Variants in ALPK1 observed in about 807,000 individuals in gnomAD.
ALPK1 encodes alpha kinase 1.
ALPK1 carries 110 observed loss-of-function variants against 120.6 expected under a neutral mutation model. The ratio of observed to expected loss-of-function variants is 0.91; its 90% CI spans 0.78 to 1.07. ALPK1 has a LOEUF of 1.07. Among genes scored for constraint, ALPK1 ranks in the 50% least tolerant of loss-of-function variants. The pLI, the probability that ALPK1 is intolerant of heterozygous loss-of-function variation, is 0.00. For missense variants in ALPK1, 1,498 were observed against 1,483.9 expected, an observed-to-expected ratio of 1.01 and a Z score of -0.16; for synonymous variants, 582 against 560.3, an observed-to-expected ratio of 1.04 and a Z score of -0.55.
Position 112,377,808 on chromosome 4 carries a change from C to CTTG in ALPK1, c.32_33insTGT (p.Leu11_Gln12insVal), listed in dbSNP as rs1731732663. 6.2e-7 allele frequency: 1 copy of CTTG among 1,613,174 alleles called. No homozygotes were observed. On this transcript the variant is annotated inframe_insertion, in exon 3 of 16. Transcript: ENST00000650871. ...TAATCAAAAAGTGGTAGCTGTGCTA[C>CTTG]TGCAAGAGTGCAAGCAAGTGCTGGA...
At chr4:112,320,438 C>T (rs1286448064) in intron 2 of ALPK1, among the ~76,000 whole-genome samples, 1 of 152,044 alleles carries the variant, frequency 6.6e-6, no homozygotes, top group African/African-American at 2.4e-5. Context: ...CTGTTGAATT[C>T]TGTTAGCTAG....
chr4:112,349,117 T>TTTA (rs1260259828), intron 2 of ALPK1, among the ~76,000 whole-genome samples: 1 of 152,172 alleles, frequency 6.6e-6, no homozygotes, highest in Non-Finnish European at 1.5e-5. Context: ...AAAAGTCTAA[T>TTTA]AAGTGGTCAT....
chr4:112,380,275 A>C (rs1316948935), intron 3 of ALPK1, among the ~76,000 whole-genome samples: 1 of 152,216 alleles, frequency 6.6e-6, no homozygotes, highest in Non-Finnish European at 1.5e-5. Flanking sequence ...AAATTATGTC[A>C]GTGGCTGTAA....
chr4:112,430,410 A>T (rs915021257), intron 10 of ALPK1, 38 bp from the exon 11 acceptor site: 9 of 1,513,454 alleles, frequency 5.9e-6, no homozygotes, highest in Non-Finnish European at 8.0e-6. Context: ...TGCAGTTTTC[A>T]ATTCAATATC....
chr4:112,403,796 C>G (rs1578541262), intron 4 of ALPK1, among the ~76,000 whole-genome samples: 1 of 152,220 alleles, frequency 6.6e-6, no homozygotes, highest in East Asian at 1.9e-4. Context: ...CCAAGGAACT[C>G]AAAGGCCCTT....
At chr4:112,434,059 C>T (rs1734689675) in intron 11 of ALPK1, among the ~76,000 whole-genome samples, 1 of 152,158 alleles carries the variant, frequency 6.6e-6, no homozygotes, top group Admixed American at 6.5e-5. Flanking sequence ...CAAAAATTTC[C>T]AGCAATAGGG....
chr4:112,432,498 T>C lies in ALPK1; in HGVS notation c.2951T>C (p.Leu984Ser), dbSNP rs759760407. Reference sequence around the variant, plus strand: ...CAACCTGATGACTTTGAAAAGCTGTTGGCAGGAGTGAGGCATGATTGGCTG... The same window carrying C: ...CAACCTGATGACTTTGAAAAGCTGTCGGCAGGAGTGAGGCATGATTGGCTG... ...TLQPDDFEKL[L>S]AGVRHDWLFQ... is the part of the protein sequence containing the mutation. The change falls in exon 11 of 16, where the codon TTG (leucine) becomes TCG (serine). Residue 984 changes from leucine to serine, a missense_variant. Physicochemically the swap from Leu to Ser is moderately radical, Grantham distance 145 (BLOSUM62 -2). Transcript: ENST00000650871. 3 of 1,614,156 alleles carry C rather than the reference T, an allele frequency of 1.9e-6. No homozygotes were observed. The highest frequency in any genetic ancestry group is 1.1e-5 in the South Asian group (1 of 91,080).
intron 4 of ALPK1, among the ~76,000 whole-genome samples, chr4:112,402,946 T>C (rs1403916658): frequency 2.0e-5 from 3 of 151,856 alleles, no homozygotes; most frequent in African/African-American, 7.3e-5. Context: ...ACAAAAAGAA[T>C]CCTGAATCAA....
At chr4:112,318,003 G>A (rs779819675) in intron 2 of ALPK1, among the ~76,000 whole-genome samples, 25 of 152,166 alleles carry the variant, frequency 1.6e-4, no homozygotes, top group African/African-American at 4.1e-4. Context: ...AGATACTATC[G>A]TCATAAAAAT....
chr4:112,326,359 G>A (rs920555542), intron 2 of ALPK1, among the ~76,000 whole-genome samples: 1 of 152,136 alleles, frequency 6.6e-6, no homozygotes, highest in African/African-American at 2.4e-5. Flanking sequence ...GAGGGGTCAT[G>A]CAAAGCCATC....
chr4:112,419,174 T>G (rs959737459), intron 5 of ALPK1, among the ~76,000 whole-genome samples: 2 of 152,252 alleles, frequency 1.3e-5, no homozygotes, highest in African/African-American at 4.8e-5. Context: ...AATTTATTCG[T>G]GTAGGTATTT....
intron 2 of ALPK1, among the ~76,000 whole-genome samples, chr4:112,331,470 G>T (rs1230019218): frequency 3.3e-5 from 5 of 152,104 alleles, no homozygotes; most frequent in Non-Finnish European, 7.4e-5. Context: ...CTCTGTCTTT[G>T]AATTGCACTG....
chr4:112,396,378 G>A (rs1732652153), intron 4 of ALPK1, among the ~76,000 whole-genome samples: 1 of 152,096 alleles, frequency 6.6e-6, no homozygotes, highest in African/African-American at 2.4e-5. Context: ...TGTGATACTA[G>A]AAACTGTAAA....
chr4:112,386,555 C>T lies in ALPK1; in HGVS notation c.276+4003C>T, dbSNP rs2051778. ...CATATCACGGGGTCACAGGCTACGG[C>T]GACCTAAAATCCTACCTCATGCTAG... On this transcript the variant is annotated intron_variant, in intron 4 of 15. Coordinates refer to ENST00000650871, the MANE Select transcript of ALPK1 (RefSeq NM_025144.4). 2.6e-5 allele frequency among the ~76,000 whole-genome samples: 4 copies of T among 152,242 alleles called. No homozygotes were observed. The South Asian group carries it at 6.2e-4, about 24-fold the overall frequency.
chr4:112,333,321 A>G (rs1168693684), intron 2 of ALPK1, among the ~76,000 whole-genome samples: 1 of 152,188 alleles, frequency 6.6e-6, no homozygotes, highest in African/African-American at 2.4e-5. Flanking sequence ...TATAGTTGCC[A>G]TCTTGCTTTT....
rs952851834 is a variant in ALPK1 at position 112,358,690 on chromosome 4, C to G, written c.-100-18988C>G. On this transcript the variant is annotated intron_variant, in intron 2 of 15. Coordinates refer to ENST00000650871, the MANE Select transcript of ALPK1 (RefSeq NM_025144.4). ...CTGTCTCTCCCATCTAAGAGGCTGG[C>G]AGAGGAGCCGCAAGGAAGGAGGAAG... 6 of 737,274 alleles carry G rather than the reference C, an allele frequency of 8.1e-6. No individual in the cohort carries two copies. In the South Asian group the frequency reaches 8.5e-5, roughly 10 times the overall value. 45.7% of individuals were successfully genotyped at this position (737,274 alleles called of 1,614,324 possible). A position where few individuals can be genotyped will look rare whatever the true frequency, so the allele number is the denominator to read the frequency against.
chr4:112,328,731 G>A (rs952886798), intron 2 of ALPK1, among the ~76,000 whole-genome samples: 2 of 152,064 alleles, frequency 1.3e-5, no homozygotes, highest in African/African-American at 2.4e-5. Context: ...TTACTGTCCC[G>A]GGTCACAATT....
intron 4 of ALPK1, among the ~76,000 whole-genome samples, chr4:112,390,443 T>G (rs1395538299): frequency 6.6e-6 from 1 of 152,156 alleles, no homozygotes; most frequent in Non-Finnish European, 1.5e-5. Flanking sequence ...GTTTGTGGGG[T>G]TTCTTTTACA....
chr4:112,438,782 A>G, intron 13 of ALPK1, 136 bp downstream of exon 13: 1 of 946,396 alleles, frequency 1.1e-6, no homozygotes, highest in Non-Finnish European at 1.6e-6. Context: ...GTACTTTCCA[A>G]GAGAGAAAGA....
Sources: gnomAD v4.1 joint callset for allele counts (sites outside exome capture counted in the v4.1 genomes callset) on GRCh38, gnomAD v4.1.1 for gene constraint, MANE v1.5 for transcripts, NCBI Gene and HGNC (gene_info 2026-07-23, HGNC 2026-07-21) for gene names.